Variants in ATAD2 observed in about 807,000 individuals in gnomAD.
ATAD2 encodes ATPase family AAA domain-containing protein 2.
In ATAD2, 62 loss-of-function variants were observed where a neutral mutation model predicts 168.9. That is an observed-to-expected ratio of 0.37 (90% CI 0.30 to 0.45). ATAD2 has a LOEUF of 0.45. ATAD2 is among the 20% of genes least tolerant of loss of function. The probability of loss-of-function intolerance (pLI) is 1.00; values close to 1 mark genes in which losing one functional copy is unlikely to be tolerated. For synonymous variants in ATAD2, 613 were observed against 571.6 expected (o/e 1.07, Z -1.03); for missense variants, 1,419 against 1,667.8 (o/e 0.85, Z 2.60).
intron 14 of ATAD2, 98 bp downstream of exon 14, chr8:123,349,187 A>G (rs1451461501): frequency 8.0e-7 from 1 of 1,250,924 alleles, no homozygotes; most frequent in Non-Finnish European, 1.1e-6. Context: ...AGACCATGAT[A>G]CAAAACTCAA....
intron 19 of ATAD2, among the ~76,000 whole-genome samples, chr8:123,340,611 C>A (rs1053833237): frequency 6.6e-6 from 1 of 152,100 alleles, no homozygotes; most frequent in Admixed American, 6.5e-5. Context: ...TATATACATA[C>A]AATGGAAAAG....
At chr8:123,358,100 AT>A (rs1828702245) in intron 11 of ATAD2, among the ~76,000 whole-genome samples, 1 of 152,208 alleles carries the variant, frequency 6.6e-6, no homozygotes, top group Admixed American at 6.5e-5. Context: ...AATTCAAGAA[AT>A]TTGTTTTTAA....
intron 9 of ATAD2, among the ~76,000 whole-genome samples, chr8:123,360,380 C>T (rs1355177698): frequency 2.6e-5 from 4 of 152,252 alleles, no homozygotes; most frequent in East Asian, 1.9e-4. Flanking sequence ...CTCACCCTGT[C>T]GCCCAGGCTG....
At chr8:123,400,935 G>C, upstream of ATAD2, 1 of 1,402,144 alleles carries the variant, frequency 7.1e-7, no homozygotes, top group South Asian at 1.2e-5. The surrounding 1 kb of genome is among the most constrained non-coding windows in gnomAD (Gnocchi z 4.5). Context: ...ACCCCATGGT[G>C]CTGAGCCCCT....
At chr8:123,389,452 T>C (rs554580078) in intron 1 of ATAD2, among the ~76,000 whole-genome samples, 3 of 149,988 alleles carry the variant, frequency 2.0e-5, no homozygotes, top group Admixed American at 2.0e-4. Flanking sequence ...ATCCTGGCTA[T>C]CACGGTGAAA....
chr8:123,333,128 C>T (rs966609153), intron 24 of ATAD2, among the ~76,000 whole-genome samples: 2 of 150,070 alleles, frequency 1.3e-5, no homozygotes, highest in East Asian at 3.9e-4. Context: ...GTGGCTCACG[C>T]CTGTAATCCC....
In ATAD2 at chr8:123,328,299, T is replaced by G. The variant is rs1172387686; in HGVS notation, c.3759A>C (p.Glu1253Asp). The change falls in exon 25 of 28, where the codon GAA (glutamate) becomes GAC (aspartate). Residue 1253 changes from glutamate to aspartate, a missense_variant. Physicochemically the swap from Glu to Asp is conservative, Grantham distance 45. Around this residue, in one of 5 missense-constraint regions of ATAD2, gnomAD observed 303 missense variants for 304.3 expected, o/e 1.00. Transcript: ENST00000287394. Reference protein sequence around the residue: ...SNTCNIENELEDSRKTTACTE... With the variant: ...SNTCNIENELDDSRKTTACTE... Reference sequence around the variant, plus strand: ...TACATGCTGTAGTCTTCCTAGAGTCTTCAAGCTCATTCTCTATATTACAAG... The same window carrying G: ...TACATGCTGTAGTCTTCCTAGAGTCGTCAAGCTCATTCTCTATATTACAAG... The G allele has an allele frequency of 6.2e-7, 1 of 1,604,776 alleles. No individual in the cohort carries two copies. Among genetic ancestry groups the G allele is most frequent in the East Asian group, 2.2e-5 (1 of 44,710 alleles).
intron 1 of ATAD2, among the ~76,000 whole-genome samples, chr8:123,390,179 A>T (rs1448996527): frequency 4.6e-5 from 7 of 151,636 alleles, no homozygotes; most frequent in Non-Finnish European, 8.8e-5. Context: ...GGATTTCACC[A>T]TGTTGGCTAG....
chr8:123,375,132 A>G (rs1307491370), intron 2 of ATAD2, among the ~76,000 whole-genome samples: 1 of 152,356 alleles, frequency 6.6e-6, no homozygotes, highest in East Asian at 1.9e-4. Context: ...GCTCTTTTAT[A>G]TAAGCCTTAT....
chr8:123,347,247 A>G lies in ATAD2; in HGVS notation c.2057T>C (p.Met686Thr), dbSNP rs776507561. The G allele has an allele frequency of 1.9e-6, 3 of 1,614,166 alleles. No homozygotes were observed. The South Asian group carries it at 3.3e-5, about 18-fold the overall frequency. The change falls in exon 16 of 28, where the codon ATG (methionine) becomes ACG (threonine). Residue 686 changes from methionine to threonine, a missense_variant. Met to Thr is a moderately conservative substitution (Grantham distance 81). Coordinates refer to ENST00000287394, the MANE Select transcript of ATAD2 (RefSeq NM_014109.4). The stretch of plus-strand genomic sequence containing the variant: ...CACAGCTCTTTGGGAGGCTGGTATC[A>G]TCTTTTGCATAGCTACCTCGAAATC... ...AKDFEVAMQK[M>T]IPASQRAVTS...
Position 123,396,296 on chromosome 8 carries a change from G to A in ATAD2, c.62C>T (p.Ser21Phe), listed in dbSNP as rs747539105. ...HNHSAASATGSLDLSSDFLSL... is the reference protein window; with the variant it reads ...HNHSAASATGFLDLSSDFLSL... ...GAGGAAGTCACTGGACAGGTCCAAG[G>A]AGCCCGTGGCCGAGGCCGCGGAGTG... The change falls in exon 1 of 28, where the codon TCC becomes TTC. Residue 21 changes from serine to phenylalanine, a missense_variant. By Grantham distance (155) the Ser-to-Phe change is radical. Around this residue, in one of 5 missense-constraint regions of ATAD2, gnomAD observed 419 missense variants for 423.5 expected, o/e 0.99. Transcript: ENST00000287394. 3.1e-6 allele frequency: 5 copies of A among 1,610,824 alleles called. No individual in the cohort carries two copies. In the South Asian group the frequency reaches 4.4e-5, roughly 14 times the overall value.
chr8:123,346,012 C>T, intron 18 of ATAD2, 74 bp downstream of exon 18: 1 of 1,227,324 alleles, frequency 8.1e-7, no homozygotes, highest in Non-Finnish European at 1.1e-6. Flanking sequence ...AAACACAATA[C>T]AAAAAAATGG....
intron 13 of ATAD2, 104 bp from the exon 14 acceptor site, chr8:123,349,548 A>G (rs1364134680): frequency 9.0e-7 from 1 of 1,112,110 alleles, no homozygotes; most frequent in African/African-American, 1.6e-5. Flanking sequence ...ACATGTGAAT[A>G]AATTTTCTCA....
rs1464144608 is a variant in ATAD2 at position 123,325,949 on chromosome 8, A to C, written c.3946T>G (p.Leu1316Val). 1 of 1,614,028 alleles carries C rather than the reference A, an allele frequency of 6.2e-7. No homozygotes were observed. Among genetic ancestry groups the C allele is most frequent in the African/African-American group, 1.3e-5 (1 of 74,910 alleles). ...GGTGTAGGCTGAGAAAGAATTGCCA[A>C]AGCCTTTTCAACAGTGATGAGCTGC... ...QQQLITVEKA[L>V]AILSQPTPSL... Residue 1316 changes from leucine to valine, a missense_variant, in exon 26 of 28, where the codon TTG (leucine) becomes GTG (valine). Physicochemically the swap from Leu to Val is conservative, Grantham distance 32 (BLOSUM62 1). This residue lies in a region of ATAD2 where 303 missense variants were observed against 304.3 expected (regional missense o/e 1.00). Transcript: ENST00000287394.
At chr8:123,373,300 T>C (rs990251247) in intron 2 of ATAD2, among the ~76,000 whole-genome samples, 1 of 151,852 alleles carries the variant, frequency 6.6e-6, no homozygotes, top group South Asian at 2.1e-4. Flanking sequence ...TCTCCCACCT[T>C]AGCCTCCCAA....
At chr8:123,327,842 T>C (rs1033721701) in intron 25 of ATAD2, among the ~76,000 whole-genome samples, 2 of 152,202 alleles carry the variant, frequency 1.3e-5, no homozygotes, top group Non-Finnish European at 2.9e-5. Flanking sequence ...GGGTATCATA[T>C]ACTTTAGTTT....
At chr8:123,398,755 A>G, upstream of ATAD2, among the ~76,000 whole-genome samples, 1 of 151,336 alleles carries the variant, frequency 6.6e-6, no homozygotes, top group Non-Finnish European at 1.5e-5. Context: ...TCCTCCCACC[A>G]CAGCCTCCCA....
At chr8:123,389,265 C>T (rs945429165) in intron 1 of ATAD2, among the ~76,000 whole-genome samples, 8 of 147,958 alleles carry the variant, frequency 5.4e-5, no homozygotes, top group Admixed American at 4.0e-4. Flanking sequence ...TGTGAGCCAC[C>T]GTGCCCGGCC....
In ATAD2 at chr8:123,336,552, T is replaced by C. The variant is rs1320546125; in HGVS notation, c.3052-20A>G. On this transcript the variant is annotated intron_variant, in intron 21 of 27. Transcript: ENST00000287394. ...AGGAACCTAAAATTCAAGCAAATGA[T>C]CAAATCACAAAATTAACTCTAAACA... 6.8e-7 allele frequency: 1 copy of C among 1,481,468 alleles called. No homozygotes were observed. The highest frequency in any genetic ancestry group is 8.9e-7 in the Non-Finnish European group (1 of 1,121,110). The allele number at this position is 1,481,468 out of a possible 1,614,324, so 91.8% of individuals were successfully genotyped here.
Sources: gnomAD v4.1 joint callset for allele counts (sites outside exome capture counted in the v4.1 genomes callset) on GRCh38, gnomAD v4.1.1 for gene constraint, gnomAD v4.1.1 regional missense constraint, Gnocchi (gnomAD v3.1) non-coding constraint, MANE v1.5 for transcripts, NCBI Gene and HGNC (gene_info 2026-07-23, HGNC 2026-07-21) for gene names.